FSTL5: variants seen among roughly 807,000 people sequenced by gnomAD.
FSTL5 encodes follistatin like 5, also known as follistatin-related protein 5.
A neutral mutation model predicts 89.1 loss-of-function variants in FSTL5; 62 were observed. That is an observed-to-expected ratio of 0.70 (90% CI 0.57 to 0.86). FSTL5 has a LOEUF of 0.86. FSTL5 is among the 40% of genes least tolerant of loss of function. The pLI, the probability that FSTL5 is intolerant of heterozygous loss-of-function variation, is 0.00. For missense variants in FSTL5, 1,057 were observed against 1,001.6 expected, an observed-to-expected ratio of 1.06 and a Z score of -0.75; for synonymous variants, 383 against 346.2, an observed-to-expected ratio of 1.11 and a Z score of -1.18.
chr4:161,788,889 CA>C (rs555991605), intron 4 of FSTL5, among the ~76,000 whole-genome samples: 201 of 152,248 alleles, frequency 1.3e-3, no homozygotes, highest in Non-Finnish European at 1.6e-3. Context: ...CAGTTCAAGA[CA>C]CTGTCTCTAA....
At chr4:161,768,188 A>C (rs1579078135) in intron 5 of FSTL5, among the ~76,000 whole-genome samples, 1 of 152,254 alleles carries the variant, frequency 6.6e-6, no homozygotes, top group South Asian at 2.1e-4. Context: ...AATTTCCACT[A>C]GCCTCTAGAA....
At chr4:161,916,391 G>A (rs1376604588) in intron 4 of FSTL5, among the ~76,000 whole-genome samples, 1 of 152,156 alleles carries the variant, frequency 6.6e-6, no homozygotes, top group Non-Finnish European at 1.5e-5. Flanking sequence ...CTGATGCCAG[G>A]GTGAAAGGAA....
At chr4:161,511,195 A>G (rs567271957) in intron 10 of FSTL5, among the ~76,000 whole-genome samples, 20 of 152,278 alleles carry the variant, frequency 1.3e-4, no homozygotes, top group East Asian at 1.2e-3. Flanking sequence ...TAACTAATAG[A>G]AAATCTCATA....
chr4:161,486,693 C>T (rs1298827470), intron 12 of FSTL5, among the ~76,000 whole-genome samples: 1 of 152,114 alleles, frequency 6.6e-6, no homozygotes, highest in African/African-American at 2.4e-5. Flanking sequence ...TCCTTCCTGC[C>T]ACAAATAATG....
At chr4:161,779,810 T>A (rs1369574885) in intron 4 of FSTL5, among the ~76,000 whole-genome samples, 17,369 of 81,624 alleles carry the variant, frequency 0.21, 3,280 homozygotes, top group African/African-American at 0.49. Context: ...TATATATATA[T>A]GTATATATAT....
chr4:162,002,016 T>C (rs1412163284), intron 3 of FSTL5, among the ~76,000 whole-genome samples: 1 of 152,160 alleles, frequency 6.6e-6, no homozygotes, highest in African/African-American at 2.4e-5. Context: ...ATCATTATTT[T>C]GTTTGGTTAG....
At chr4:161,554,911 A>G (rs1732337588) in intron 8 of FSTL5, among the ~76,000 whole-genome samples, 1 of 151,700 alleles carries the variant, frequency 6.6e-6, no homozygotes. Context: ...TTTAAATGCT[A>G]CTGAGCTTGT....
chr4:161,484,355 C>T (rs1729609990), intron 12 of FSTL5, among the ~76,000 whole-genome samples: 2 of 152,106 alleles, frequency 1.3e-5, no homozygotes, highest in African/African-American at 2.4e-5. Context: ...AGGACTACCT[C>T]CTCTCATCCT....
intron 3 of FSTL5, among the ~76,000 whole-genome samples, chr4:161,974,528 C>G (rs1344517776): frequency 6.2e-5 from 8 of 129,242 alleles, no homozygotes; most frequent in African/African-American, 2.1e-4. Context: ...ATAAATGGTG[C>G]TGGGAAAACT....
At chr4:161,664,517 A>T (rs1205519106) in intron 6 of FSTL5, among the ~76,000 whole-genome samples, 1 of 152,120 alleles carries the variant, frequency 6.6e-6, no homozygotes, top group Non-Finnish European at 1.5e-5. Flanking sequence ...CCTCATCTCC[A>T]TCTGAGACCA....
intron 4 of FSTL5, among the ~76,000 whole-genome samples, chr4:161,829,262 A>G (rs1486020834): frequency 6.6e-6 from 1 of 150,384 alleles, no homozygotes; most frequent in African/African-American, 2.4e-5. Context: ...TTCCAGAGGA[A>G]AAGCTCTTAA....
intron 6 of FSTL5, among the ~76,000 whole-genome samples, chr4:161,753,275 T>A (rs1225788080): frequency 6.6e-6 from 1 of 152,166 alleles, no homozygotes; most frequent in Non-Finnish European, 1.5e-5. Context: ...TAACTCAATG[T>A]CTTTCCCTAA....
In FSTL5 at chr4:161,386,407, T is replaced by G; in HGVS notation, c.1884A>C (p.Lys628Asn). The change falls in exon 16 of 16, where the codon AAA becomes AAC. Residue 628 changes from lysine to asparagine, a missense_variant. Physicochemically the swap from Lys to Asn is moderately conservative, Grantham distance 94 (BLOSUM62 0). Around this residue, in one of 3 missense-constraint regions of FSTL5, gnomAD observed 980 missense variants for 903.2 expected, o/e 1.08. Transcript: ENST00000306100. Reference sequence around the variant, plus strand: ...TGTATGACATGGTTTCAAGATCAATTTTTTGTAGTGCAGCTTCATCTTTAT... The same window carrying G: ...TGTATGACATGGTTTCAAGATCAATGTTTTGTAGTGCAGCTTCATCTTTAT... The part of the protein sequence containing the change: ...ILHKDEAALQ[K>N]IDLETMSYIK... The G allele has an allele frequency of 6.2e-7, 1 of 1,613,428 alleles. No individual in the cohort carries two copies. The highest frequency in any genetic ancestry group is 8.5e-7 in the Non-Finnish European group (1 of 1,179,666).
At chr4:161,971,898 T>TTGA (rs2111016127) in intron 3 of FSTL5, among the ~76,000 whole-genome samples, 1 of 152,300 alleles carries the variant, frequency 6.6e-6, no homozygotes, top group African/African-American at 2.4e-5. Flanking sequence ...TGTTTCCCAG[T>TTGA]TGATGATGCT....
chr4:161,666,710 A>T (rs368578255), intron 6 of FSTL5, among the ~76,000 whole-genome samples: 2 of 152,146 alleles, frequency 1.3e-5, no homozygotes, highest in Non-Finnish European at 2.9e-5. Context: ...AAATAGGATA[A>T]AATAATCTGG....
intron 1 of FSTL5, among the ~76,000 whole-genome samples, chr4:162,156,157 A>G (rs542713236): frequency 6.6e-6 from 1 of 152,168 alleles, no homozygotes; most frequent in Admixed American, 6.6e-5. Context: ...GTCACAAATC[A>G]ATCATCAGAA....
intron 3 of FSTL5, among the ~76,000 whole-genome samples, chr4:161,982,890 T>G (rs930092284): frequency 6.6e-6 from 1 of 152,196 alleles, no homozygotes; most frequent in Non-Finnish European, 1.5e-5. Context: ...TCATGACACT[T>G]GATACAATTG....
chr4:161,617,309 A>C (rs954890370), intron 7 of FSTL5, among the ~76,000 whole-genome samples: 8 of 152,158 alleles, frequency 5.3e-5, no homozygotes, highest in Non-Finnish European at 1.2e-4. Flanking sequence ...AAGGTAGACA[A>C]ATAGAAATTA....
At chr4:162,100,374 C>T (rs1730946551) in intron 2 of FSTL5, among the ~76,000 whole-genome samples, 1 of 152,110 alleles carries the variant, frequency 6.6e-6, no homozygotes, top group Non-Finnish European at 1.5e-5. Flanking sequence ...TCCTGGCTAA[C>T]ACGGTGAAAC....
Sources: gnomAD v4.1 joint callset for allele counts (sites outside exome capture counted in the v4.1 genomes callset) on GRCh38, gnomAD v4.1.1 for gene constraint, gnomAD v4.1.1 regional missense constraint, MANE v1.5 for transcripts, NCBI Gene and HGNC (gene_info 2026-07-23, HGNC 2026-07-21) for gene names.